Variants in ADARB2 observed in about 807,000 individuals in gnomAD.
ADARB2 encodes inactive double-stranded RNA-specific editase B2.
ADARB2 carries 25 observed loss-of-function variants against 62.2 expected under a neutral mutation model. The ratio of observed to expected loss-of-function variants is 0.40; its 90% CI spans 0.29 to 0.56. The LOEUF is 0.56. Ranked by LOEUF, ADARB2 falls within the 20% of genes least tolerant of loss-of-function variation. The pLI, the probability that ADARB2 is intolerant of heterozygous loss-of-function variation, is 0.43. For missense variants in ADARB2, 1,071 were observed against 1,077.4 expected (o/e 0.99, Z 0.08); for synonymous variants, 572 against 500.8 (o/e 1.14, Z -1.90).
chr10:1,570,509 G>C (rs976934450), intron 1 of ADARB2, among the ~76,000 whole-genome samples: 3 of 152,200 alleles, frequency 2.0e-5, no homozygotes, highest in Non-Finnish European at 4.4e-5. Flanking sequence ...CTCTAAGCCT[G>C]GTGGCTTCAG....
At chr10:1,695,563 G>A (rs984249122) in intron 1 of ADARB2, among the ~76,000 whole-genome samples, 2 of 152,218 alleles carry the variant, frequency 1.3e-5, no homozygotes, top group Non-Finnish European at 2.9e-5. Context: ...AAGGGCAGGA[G>A]CAAAGATCCA....
In ADARB2 at chr10:1,191,500, G is replaced by A. The variant is rs573627309; in HGVS notation, c.1865-6461C>T. Among the ~76,000 whole-genome samples the A allele has an allele frequency of 2.6e-5, 4 of 152,264 alleles. No individual in the cohort carries two copies. In the South Asian group the frequency reaches 8.3e-4, roughly 32 times the overall value. Reference sequence around the variant, plus strand: ...CGGGCCCCACGTTTTTTTAGTAATTGCTCCCAAGCGGCCTTGGGAATAACG... The same window carrying A: ...CGGGCCCCACGTTTTTTTAGTAATTACTCCCAAGCGGCCTTGGGAATAACG... On this transcript the variant is annotated intron_variant, in intron 8 of 9. Coordinates refer to ENST00000381312, the MANE Select transcript of ADARB2 (RefSeq NM_018702.4).
At chr10:1,660,341 A>G (rs10751813) in intron 1 of ADARB2, among the ~76,000 whole-genome samples, 147,392 of 152,332 alleles carry the variant, frequency 0.97, 71,467 homozygotes, top group East Asian at 1. Context: ...TCTGTGTCAG[A>G]AATTATTAAT....
chr10:1,450,317 G>A (rs10903450), intron 1 of ADARB2, among the ~76,000 whole-genome samples: 39,826 of 152,202 alleles, frequency 0.26, 6,084 homozygotes, highest in Non-Finnish European at 0.33. Flanking sequence ...ATCATTATGG[G>A]TGTGTCTGTC....
At chr10:1,621,309 T>C (rs1833701550) in intron 1 of ADARB2, among the ~76,000 whole-genome samples, 1 of 152,214 alleles carries the variant, frequency 6.6e-6, no homozygotes, top group African/African-American at 2.4e-5. Context: ...TCAATCGTCT[T>C]TTTATATATT....
chr10:1,228,868 C>A (rs981163345), intron 6 of ADARB2, among the ~76,000 whole-genome samples: 4 of 152,216 alleles, frequency 2.6e-5, no homozygotes, highest in African/African-American at 9.6e-5. Context: ...TTCTACAAAG[C>A]CAGCAAGGAA....
chr10:1,399,083 T>G (rs749104281), intron 1 of ADARB2, among the ~76,000 whole-genome samples: 1 of 152,122 alleles, frequency 6.6e-6, no homozygotes, highest in African/African-American at 2.4e-5. Context: ...CGAAATAAAA[T>G]GAACTGAGAA....
intron 1 of ADARB2, among the ~76,000 whole-genome samples, chr10:1,544,086 T>C (rs1389662775): frequency 6.6e-6 from 1 of 151,896 alleles, no homozygotes; most frequent in Non-Finnish European, 1.5e-5. Context: ...CTTCACTGTG[T>C]GTTTTCCTGA....
intron 3 of ADARB2, among the ~76,000 whole-genome samples, chr10:1,335,505 A>AGATGGATGGATGGATGGATG (rs371618685): frequency 6.2e-5 from 9 of 145,392 alleles, no homozygotes; most frequent in African/African-American, 2.1e-4. Context: ...GTAGAAGGAC[A>AGATGGATGGATGGATGGATG]GATGGATGGA....
intron 1 of ADARB2, among the ~76,000 whole-genome samples, chr10:1,465,352 C>G (rs1226435364): frequency 6.6e-6 from 1 of 152,162 alleles, no homozygotes; most frequent in East Asian, 1.9e-4. Context: ...ACTGAATTTT[C>G]CTGTGTGTTA....
At chr10:1,520,296 C>T (rs1832057115) in intron 1 of ADARB2, among the ~76,000 whole-genome samples, 1 of 152,102 alleles carries the variant, frequency 6.6e-6, no homozygotes, top group Admixed American at 6.6e-5. Context: ...TTACAGTTTG[C>T]AAATGTCTAT....
rs1001118846 is a variant in ADARB2 at position 1,737,231 on chromosome 10, G to A, written c.-81C>T. ...CTCCTTCCCGGCAGCCGCCGCCGCC[G>A]CTGCTGCGAAGCTTGAGGTTGCAAA... is the stretch of plus-strand genomic sequence containing the variant. On this transcript the variant is annotated 5_prime_UTR_variant, in exon 1 of 10. Transcript: ENST00000381312. 498 of 1,467,234 alleles carry A rather than the reference G, an allele frequency of 3.4e-4. 1 individual carries two copies. In the Middle Eastern group the frequency reaches 5.2e-3, roughly 15 times the overall value. 90.9% of individuals were successfully genotyped at this position (1,467,234 alleles called of 1,614,324 possible).
At chr10:1,448,546 C>T (rs1223976962) in intron 1 of ADARB2, among the ~76,000 whole-genome samples, 1 of 152,218 alleles carries the variant, frequency 6.6e-6, no homozygotes, top group African/African-American at 2.4e-5. Context: ...CCATGCTTCT[C>T]TCAGGTGCTT....
intron 4 of ADARB2, among the ~76,000 whole-genome samples, chr10:1,258,423 G>T (rs1178105977): frequency 1.3e-5 from 2 of 152,256 alleles, no homozygotes; most frequent in Non-Finnish European, 2.9e-5. Flanking sequence ...CATCTCAGCT[G>T]CAGAGACACA....
chr10:1,417,175 G>C (rs1215667656), intron 1 of ADARB2, among the ~76,000 whole-genome samples: 1 of 150,066 alleles, frequency 6.7e-6, no homozygotes, highest in Non-Finnish European at 1.5e-5. Context: ...GACTAGATGG[G>C]CAGGAAGTGT....
chr10:1,274,802 G>A (rs540530023), intron 3 of ADARB2, among the ~76,000 whole-genome samples: 11 of 152,330 alleles, frequency 7.2e-5, no homozygotes, highest in Admixed American at 2.6e-4. Context: ...GAGACGGGAC[G>A]TACCCCAGCT....
intron 3 of ADARB2, among the ~76,000 whole-genome samples, chr10:1,339,291 T>A (rs1253371504): frequency 1.3e-5 from 2 of 152,246 alleles, no homozygotes; most frequent in African/African-American, 4.8e-5. Context: ...GATTCACACA[T>A]GGCTAAGTGC....
chr10:1,494,765 G>A (rs184227864), intron 1 of ADARB2, among the ~76,000 whole-genome samples: 1 of 152,258 alleles, frequency 6.6e-6, no homozygotes, highest in Admixed American at 6.5e-5. Context: ...CAAGGGGTGA[G>A]TTGTGGGGGT....
intron 1 of ADARB2, among the ~76,000 whole-genome samples, chr10:1,444,772 C>T (rs973868806): frequency 8.8e-5 from 13 of 147,766 alleles, no homozygotes; most frequent in Non-Finnish European, 1.9e-4. Context: ...ATCCATTCAC[C>T]ATCCATTTCC....
Sources: gnomAD v4.1 joint callset for allele counts (sites outside exome capture counted in the v4.1 genomes callset) on GRCh38, gnomAD v4.1.1 for gene constraint, MANE v1.5 for transcripts, NCBI Gene and HGNC (gene_info 2026-07-23, HGNC 2026-07-21) for gene names.